The following PCDHA6 variants were observed in gnomAD, a reference collection of about 807,000 sequenced individuals.
The protein encoded by PCDHA6 is protocadherin alpha 6.
In PCDHA6, 55 loss-of-function variants were observed where a neutral mutation model predicts 60.3. That is an observed-to-expected ratio of 0.91 (90% CI 0.73 to 1.14). PCDHA6 has a LOEUF of 1.14. Ranked by LOEUF, PCDHA6 falls within the 50% of genes most tolerant of loss-of-function variation. The pLI, the probability that PCDHA6 is intolerant of heterozygous loss-of-function variation, is 0.00. For missense variants in PCDHA6, 1,327 were observed against 1,256.5 expected (o/e 1.06, Z -0.85); for synonymous variants, 652 against 557.9 (o/e 1.17, Z -2.38).
At chr5:140,885,930 AT>A (rs1188534786) in intron 1 of PCDHA6, among the ~76,000 whole-genome samples, 9 of 152,222 alleles carry the variant, frequency 5.9e-5, no homozygotes, top group Admixed American at 5.9e-4. Context: ...CTGTTTATCT[AT>A]TTTTTGACAT....
chr5:140,922,784 C>G (rs1399042980), intron 1 of PCDHA6, among the ~76,000 whole-genome samples: 1 of 152,140 alleles, frequency 6.6e-6, no homozygotes, highest in Non-Finnish European at 1.5e-5. Context: ...GGAGAGAAAA[C>G]TGTAGCTTTG....
At chr5:140,926,908 G>C (rs950305439) in intron 1 of PCDHA6, 2 of 1,560,316 alleles carry the variant, frequency 1.3e-6, no homozygotes, top group Admixed American at 1.8e-5. Flanking sequence ...GGGCTGTGGG[G>C]TGGCAGTTTT....
chr5:141,009,707 A>C lies in PCDHA6; in HGVS notation c.2623A>C (p.Asn875His). 6.2e-7 allele frequency: 1 copy of C among 1,614,144 alleles called. No individual in the cohort carries two copies. Among genetic ancestry groups the C allele is most frequent in the African/African-American group, 1.3e-5 (1 of 75,024 alleles). The change falls in exon 4 of 4, where the codon AAC becomes CAC. Residue 875 changes from asparagine (N) to histidine (H), a missense_variant. By Grantham distance (68) the Asn-to-His change is moderately conservative. Transcript: ENST00000529310. ...CTGGACCTTTAAATACGGACCAGGC[A>C]ACCCCAAACAATCCGGTCCCGGTGA... is the stretch of plus-strand genomic sequence containing the variant. ...NSWTFKYGPG[N>H]PKQSGPGELP...
rs1434027533 is a variant in PCDHA6, at chr5:140,831,618, C to A, written c.2394+1133C>A. ...GTGCAAGTGATCTGCCCACCTTGGC[C>A]TCCCAAAGTACTAAGATTATAGGTG... On this transcript the variant is annotated intron_variant, in intron 1 of 3. Coordinates refer to ENST00000529310, the MANE Select transcript of PCDHA6 (RefSeq NM_018909.4). 2.6e-5 allele frequency among the ~76,000 whole-genome samples: 4 copies of A among 151,234 alleles called. No homozygotes were observed. In the South Asian group the frequency reaches 8.3e-4, roughly 32 times the overall value.
intron 1 of PCDHA6, chr5:140,836,538 A>T: frequency 6.2e-7 from 1 of 1,613,734 alleles, no homozygotes; most frequent in Non-Finnish European, 8.5e-7. Context: ...GCTGCTGTAC[A>T]CGGCGTTGCG....
At chr5:140,834,834 C>T in intron 1 of PCDHA6, 1 of 1,611,930 alleles carries the variant, frequency 6.2e-7, no homozygotes, top group Non-Finnish European at 8.5e-7. Context: ...GCTTGACTCT[C>T]GGTTTCCACT....
chr5:140,925,762 T>G (rs1172229426), intron 1 of PCDHA6, among the ~76,000 whole-genome samples: 3 of 152,052 alleles, frequency 2.0e-5, no homozygotes, highest in African/African-American at 7.2e-5. Flanking sequence ...ACAGAGTAGT[T>G]TCCTGGTCAA....
chr5:140,871,573 T>A (rs1554165748), intron 1 of PCDHA6: 1 of 1,477,842 alleles, frequency 6.8e-7, no homozygotes, highest in Non-Finnish European at 9.0e-7. Flanking sequence ...ACGGATTTTT[T>A]AAGGGAAAGT....
chr5:140,850,928 T>A (rs2150502915), intron 1 of PCDHA6: 1 of 1,520,688 alleles, frequency 6.6e-7, no homozygotes, highest in Non-Finnish European at 8.8e-7. Context: ...ATATAATTTT[T>A]TTTCTTGAAA....
intron 1 of PCDHA6, among the ~76,000 whole-genome samples, chr5:140,887,041 A>G (rs1166286264): frequency 6.6e-6 from 1 of 152,026 alleles, no homozygotes; most frequent in African/African-American, 2.4e-5. Flanking sequence ...AATATTTTTT[A>G]TAGTGCATAT....
intron 3 of PCDHA6, among the ~76,000 whole-genome samples, chr5:140,988,083 G>A (rs957131929): frequency 1.3e-5 from 2 of 152,292 alleles, no homozygotes; most frequent in Middle Eastern, 3.4e-3. Context: ...TCATGAGTGA[G>A]TGCAGCCTCG....
chr5:140,841,854 T>C (rs2150324158), intron 1 of PCDHA6: 6 of 1,613,730 alleles, frequency 3.7e-6, no homozygotes, highest in Non-Finnish European at 5.1e-6. Context: ...CATGATTACT[T>C]CATGCTAGAT....
At chr5:140,915,814 A>G (rs2077313905) in intron 1 of PCDHA6, among the ~76,000 whole-genome samples, 1 of 152,102 alleles carries the variant, frequency 6.6e-6, no homozygotes, top group African/African-American at 2.4e-5. Flanking sequence ...TGTTCACTCA[A>G]GGCCCTAGGG....
At position 140,851,072 on chromosome 5, in the gene PCDHA6, A is replaced by G; in HGVS notation, c.2394+20587A>G. The stretch of plus-strand genomic sequence containing the variant: ...TTTGTCTTGACTTCTAGTGAGAATT[A>G]TAAACTGTATATTAAATAGATATTT... On this transcript the variant is annotated intron_variant, in intron 1 of 3. Coordinates refer to ENST00000529310, the MANE Select transcript of PCDHA6 (RefSeq NM_018909.4). The G allele has an allele frequency of 5.9e-6, 8 of 1,346,802 alleles. 1 individual carries two copies. The highest frequency in any genetic ancestry group is 7.8e-6 in the Non-Finnish European group (8 of 1,027,866). The allele number at this position is 1,346,802 out of a possible 1,614,324, so 83.4% of individuals were successfully genotyped here. A position where few individuals can be genotyped will look rare whatever the true frequency, so the allele number is the denominator to read the frequency against.
intron 1 of PCDHA6, chr5:140,869,019 A>G: frequency 1.3e-6 from 2 of 1,525,464 alleles, no homozygotes; most frequent in Non-Finnish European, 8.8e-7. Flanking sequence ...CTTCTTAAGA[A>G]TTCAACGAGA....
Position 140,853,024 on chromosome 5 carries a change from G to A in PCDHA6, c.2394+22539G>A, listed in dbSNP as rs2150527319. On this transcript the variant is annotated intron_variant, in intron 1 of 3. Coordinates refer to ENST00000529310, the MANE Select transcript of PCDHA6 (RefSeq NM_018909.4). ...CTCCCGAGTAGCTGGGACTACAGGC[G>A]CCTGCCACCATGCCCGCCTAATTTT... 4.2e-5 allele frequency: 11 copies of A among 260,054 alleles called. 1 individual carries two copies. The highest frequency in any genetic ancestry group is 2.6e-4 in the African/African-American group (11 of 42,566). 16.1% of individuals were successfully genotyped at this position (260,054 alleles called of 1,614,324 possible).
intron 1 of PCDHA6, chr5:140,863,140 C>T: frequency 1.6e-6 from 1 of 606,732 alleles, no homozygotes; most frequent in Non-Finnish European, 3.2e-6. Flanking sequence ...CCTGCTGGTG[C>T]TGGTGAAGGA....
At chr5:140,967,910 A>G (rs2096197842) in intron 1 of PCDHA6, 1 of 1,613,996 alleles carries the variant, frequency 6.2e-7, no homozygotes, top group Non-Finnish European at 8.5e-7. Flanking sequence ...TACACCCAAC[A>G]CCATTGTGGC....
chr5:140,882,580 C>G (rs371338305), intron 1 of PCDHA6: 3 of 1,614,244 alleles, frequency 1.9e-6, no homozygotes, highest in East Asian at 4.5e-5. Flanking sequence ...AGTGCAGCAT[C>G]CACCTGGAGG....
Sources: allele counts gnomAD v4.1 joint callset (sites outside exome capture counted in the v4.1 genomes callset), GRCh38; gene constraint gnomAD v4.1.1; transcripts MANE v1.5; gene names NCBI Gene and HGNC (gene_info 2026-07-23, HGNC 2026-07-21).